DACH1: variants seen among roughly 807,000 people sequenced by gnomAD.
DACH1 encodes dachshund family transcription factor 1, also known as dachshund homolog 1.
Under a neutral mutation model 54.2 loss-of-function variants are expected in DACH1, and 12 were observed. The ratio of observed to expected loss-of-function variants is 0.22; its 90% CI spans 0.14 to 0.36. DACH1 has a LOEUF of 0.36. DACH1 is among the 10% of genes least tolerant of loss of function. The pLI is 1.00. For synonymous variants in DACH1, 386 were observed against 366.2 expected (o/e 1.05, Z -0.62); for missense variants, 805 against 929.8 (o/e 0.87, Z 1.75).
chr13:71,463,691 T>C (rs543864654), intron 10 of DACH1, among the ~76,000 whole-genome samples: 2 of 152,098 alleles, frequency 1.3e-5, no homozygotes, highest in South Asian at 2.1e-4. Context: ...TGTAAAAAAG[T>C]TGTGTAAACC....
chr13:71,471,903 T>C (rs1178868204), intron 10 of DACH1, among the ~76,000 whole-genome samples: 1 of 152,178 alleles, frequency 6.6e-6, no homozygotes, highest in African/African-American at 2.4e-5. Context: ...TATGTGCATA[T>C]ATATGTGTAG....
In DACH1 at chr13:71,438,718, C is replaced by A. The variant is rs1452590037; in HGVS notation, c.*1937G>T. ...TGATGCAAAAAGCTTGACACAAGTC[C>A]ATTCAATTTTAAGTGTTGTAATCCT... On this transcript the variant is annotated 3_prime_UTR_variant, in exon 11 of 11. Transcript: ENST00000613252. 6.6e-6 allele frequency: 1 copy of A among 152,364 alleles called. No individual in the cohort carries two copies. Among genetic ancestry groups the A allele is most frequent in the Non-Finnish European group, 1.5e-5 (1 of 67,880 alleles). The allele number at this position is 152,364 out of a possible 1,614,324, so 9.4% of individuals were successfully genotyped here.
chr13:71,482,798 T>G (rs1566286763), intron 7 of DACH1, among the ~76,000 whole-genome samples: 2 of 146,210 alleles, frequency 1.4e-5, no homozygotes, highest in African/African-American at 5.0e-5. Context: ...TGACAGTTTT[T>G]TTTTTTTTTT....
chr13:71,604,675 A>G (rs1018667866), intron 3 of DACH1, among the ~76,000 whole-genome samples: 1 of 151,994 alleles, frequency 6.6e-6, no homozygotes, highest in African/African-American at 2.4e-5. Flanking sequence ...AATGGAAGTT[A>G]TCTCAGCCAA....
At chr13:71,827,613 G>T (rs556950612) in intron 1 of DACH1, among the ~76,000 whole-genome samples, 1 of 152,126 alleles carries the variant, frequency 6.6e-6, no homozygotes, top group African/African-American at 2.4e-5. Context: ...GAAGAATAAG[G>T]TCATTGATAG....
chr13:71,605,191 G>T (rs1416223361), intron 3 of DACH1, among the ~76,000 whole-genome samples: 1 of 151,736 alleles, frequency 6.6e-6, no homozygotes, highest in African/African-American at 2.4e-5. Context: ...TATACTAAAA[G>T]AATCTAATGT....
intron 1 of DACH1, among the ~76,000 whole-genome samples, chr13:71,703,095 G>T (rs1386592482): frequency 6.6e-6 from 1 of 152,042 alleles, no homozygotes; most frequent in South Asian, 2.1e-4. Context: ...TTTCTTAATT[G>T]TGTGTCATAT....
At chr13:71,739,740 G>C (rs1328241980) in intron 1 of DACH1, among the ~76,000 whole-genome samples, 1 of 152,076 alleles carries the variant, frequency 6.6e-6, no homozygotes, top group African/African-American at 2.4e-5. Flanking sequence ...GTAAGAAGTG[G>C]TACACATGTA....
chr13:71,616,046 T>G (rs1201140874), intron 3 of DACH1, among the ~76,000 whole-genome samples: 1 of 151,984 alleles, frequency 6.6e-6, no homozygotes, highest in Admixed American at 6.6e-5. Context: ...AAAAATGTCC[T>G]AACAATGGCA....
intron 1 of DACH1, among the ~76,000 whole-genome samples, chr13:71,778,092 C>CAATAAATAAATA (rs369933133): frequency 2.9e-5 from 4 of 138,910 alleles, no homozygotes; most frequent in South Asian, 2.4e-4. Context: ...ACCCTGTCTA[C>CAATAAATAAATA]AATAAATAAA....
At chr13:71,779,196 C>T (rs9564842) in intron 1 of DACH1, among the ~76,000 whole-genome samples, 1 of 117,714 alleles carries the variant, frequency 8.5e-6, no homozygotes, top group Non-Finnish European at 1.7e-5. Context: ...TACGTATATA[C>T]GTATATATGT....
At chr13:71,636,726 G>T (rs929735566) in intron 2 of DACH1, among the ~76,000 whole-genome samples, 3 of 151,790 alleles carry the variant, frequency 2.0e-5, no homozygotes, top group African/African-American at 7.3e-5. Context: ...TATCAAACTT[G>T]GGTTAATACA....
At chr13:71,677,813 G>A (rs1037946533) in intron 2 of DACH1, among the ~76,000 whole-genome samples, 6 of 151,948 alleles carry the variant, frequency 3.9e-5, no homozygotes, top group East Asian at 3.9e-4. Context: ...TTTGCCTCCC[G>A]AGTTCAAGCG....
chr13:71,748,640 GTGTCTGC>G (rs1482703605), intron 1 of DACH1, among the ~76,000 whole-genome samples: 3 of 152,182 alleles, frequency 2.0e-5, no homozygotes, highest in East Asian at 3.9e-4. Context: ...GGGCCTTGAG[GTGTCTGC>G]CCTGTATAAG....
chr13:71,749,898 G>C (rs534284425), intron 1 of DACH1, among the ~76,000 whole-genome samples: 1 of 152,096 alleles, frequency 6.6e-6, no homozygotes, highest in South Asian at 2.1e-4. Flanking sequence ...CTGAGGATCC[G>C]GAGAGGAATG....
chr13:71,630,879 A>G (rs1428055620), intron 2 of DACH1, among the ~76,000 whole-genome samples, 162 bp from the exon 3 acceptor site: 2 of 152,194 alleles, frequency 1.3e-5, no homozygotes, highest in South Asian at 2.1e-4. Flanking sequence ...CAATGAAACA[A>G]CATTGATATA....
At chr13:71,447,854 A>G (rs539246948) in intron 10 of DACH1, among the ~76,000 whole-genome samples, 138 of 152,014 alleles carry the variant, frequency 9.1e-4, no homozygotes, top group African/African-American at 3.0e-3. Context: ...ACAAGATTTT[A>G]TATAAGAAGA....
chr13:71,483,182 G>A (rs574905519), intron 7 of DACH1, among the ~76,000 whole-genome samples: 220 of 151,728 alleles, frequency 1.4e-3, no homozygotes, highest in South Asian at 0.012. Context: ...GTCCTGCAAC[G>A]CCGATGTATG....
At chr13:71,737,079 C>A (rs757141202) in intron 1 of DACH1, among the ~76,000 whole-genome samples, 2 of 151,894 alleles carry the variant, frequency 1.3e-5, no homozygotes, top group East Asian at 1.9e-4. Context: ...GGTGAAACCC[C>A]GTCTCTACTA....
Sources: gnomAD v4.1 joint callset for allele counts (sites outside exome capture counted in the v4.1 genomes callset) on GRCh38, gnomAD v4.1.1 for gene constraint, MANE v1.5 for transcripts, NCBI Gene and HGNC (gene_info 2026-07-23, HGNC 2026-07-21) for gene names.